The following LHFPL3 variants were observed in gnomAD, a reference collection of about 807,000 sequenced individuals.
LHFPL3 encodes LHFPL tetraspan subfamily member 3 protein.
A neutral mutation model predicts 19.3 loss-of-function variants in LHFPL3; 5 were observed. That is an observed-to-expected ratio of 0.26 (90% CI 0.14 to 0.54). LHFPL3 has a LOEUF of 0.54. Ranked by LOEUF, LHFPL3 falls within the 20% of genes least tolerant of loss-of-function variation. LHFPL3 has a pLI of 0.94. For synonymous variants in LHFPL3, 133 were observed against 126.2 expected, an observed-to-expected ratio of 1.05 and a Z score of -0.36; for missense variants, 249 against 307.4, an observed-to-expected ratio of 0.81 and a Z score of 1.42.
intron 1 of LHFPL3, among the ~76,000 whole-genome samples, chr7:104,430,414 A>ACGTG (rs1445455701): frequency 1.6e-4 from 4 of 25,426 alleles, no homozygotes; most frequent in African/African-American, 5.3e-4. Flanking sequence ...ACATATATAT[A>ACGTG]TATACATATA....
At chr7:104,898,820 T>TA (rs1280293928) in intron 2 of LHFPL3, among the ~76,000 whole-genome samples, 2 of 151,184 alleles carry the variant, frequency 1.3e-5, no homozygotes, top group East Asian at 1.9e-4. Context: ...ACACTGTGTC[T>TA]AAAAAAAAAT....
intron 1 of LHFPL3, among the ~76,000 whole-genome samples, chr7:104,355,495 C>T (rs1790255685): frequency 6.6e-6 from 1 of 152,180 alleles, no homozygotes; most frequent in Admixed American, 6.5e-5. Context: ...TTTCATTTAG[C>T]AATCACATTA....
At chr7:104,346,055 T>C (rs1790058743) in intron 1 of LHFPL3, among the ~76,000 whole-genome samples, 1 of 142,722 alleles carries the variant, frequency 7.0e-6, no homozygotes, top group Non-Finnish European at 1.5e-5. Flanking sequence ...TTTTTTTTTT[T>C]CTTAGAGTCT....
intron 1 of LHFPL3, among the ~76,000 whole-genome samples, chr7:104,494,641 A>T (rs1793422272): frequency 6.6e-6 from 1 of 152,166 alleles, no homozygotes; most frequent in Non-Finnish European, 1.5e-5. Context: ...TTATTCATCC[A>T]TTCAAGTCAA....
intron 1 of LHFPL3, among the ~76,000 whole-genome samples, chr7:104,571,753 G>A (rs1270543923): frequency 6.6e-6 from 1 of 152,116 alleles, no homozygotes; most frequent in Non-Finnish European, 1.5e-5. Flanking sequence ...GGTATTTGCA[G>A]ACAACCAAGT....
chr7:104,735,728 A>G (rs181876033), intron 1 of LHFPL3, among the ~76,000 whole-genome samples: 2 of 152,344 alleles, frequency 1.3e-5, no homozygotes, highest in Admixed American at 6.5e-5. Flanking sequence ...ACTGTCTGAC[A>G]AGCCCCAGTG....
intron 2 of LHFPL3, among the ~76,000 whole-genome samples, chr7:104,868,428 A>T (rs1299082241): frequency 3.9e-5 from 6 of 152,194 alleles, no homozygotes; most frequent in Non-Finnish European, 8.8e-5. Flanking sequence ...ATTCTTATAC[A>T]CCAATAACAG....
At chr7:104,379,330 C>G (rs1250646134) in intron 1 of LHFPL3, among the ~76,000 whole-genome samples, 3 of 152,194 alleles carry the variant, frequency 2.0e-5, no homozygotes, top group Non-Finnish European at 4.4e-5. Context: ...TCCCTCGGCA[C>G]AGATCAGCCT....
At chr7:104,592,685 A>G (rs1259671922) in intron 1 of LHFPL3, among the ~76,000 whole-genome samples, 2 of 152,162 alleles carry the variant, frequency 1.3e-5, no homozygotes, top group Admixed American at 1.3e-4. Context: ...TTGTTCAGCT[A>G]TGCCCTGCCC....
intron 1 of LHFPL3, among the ~76,000 whole-genome samples, chr7:104,693,747 G>A (rs1792947786): frequency 6.8e-6 from 1 of 148,140 alleles, no homozygotes; most frequent in Non-Finnish European, 1.5e-5. Context: ...CTCCTCCCAA[G>A]TAGCTGGGAC....
intron 1 of LHFPL3, among the ~76,000 whole-genome samples, chr7:104,592,417 C>G (rs1790744298): frequency 6.6e-6 from 1 of 151,516 alleles, no homozygotes; most frequent in African/African-American, 2.4e-5. Flanking sequence ...TGGGTATCAC[C>G]AGCGGAGGCT....
intron 1 of LHFPL3, among the ~76,000 whole-genome samples, chr7:104,584,037 A>C (rs550135424): frequency 5.0e-4 from 76 of 152,320 alleles, no homozygotes; most frequent in Middle Eastern, 3.4e-3. Context: ...TATTCACAAT[A>C]GCAAAGACTT....
chr7:104,856,239 AATTT>A (rs1791503250), intron 2 of LHFPL3, among the ~76,000 whole-genome samples: 2 of 124,064 alleles, frequency 1.6e-5, no homozygotes, highest in East Asian at 2.5e-4. Flanking sequence ...TGTCCCAGGA[AATTT>A]TTTTTTTTTT....
chr7:104,855,232 C>T (rs534817319), intron 2 of LHFPL3, among the ~76,000 whole-genome samples: 27 of 152,318 alleles, frequency 1.8e-4, no homozygotes, highest in South Asian at 1.2e-3. Context: ...ATGACCTCAC[C>T]TGGAGGTTAA....
intron 1 of LHFPL3, among the ~76,000 whole-genome samples, chr7:104,363,094 CA>C (rs1250200572): frequency 6.6e-6 from 1 of 152,194 alleles, no homozygotes; most frequent in Non-Finnish European, 1.5e-5. Flanking sequence ...GTTGGTTTGA[CA>C]AGGGCAGTCT....
At chr7:104,402,088 T>TAA (rs11406584) in intron 1 of LHFPL3, among the ~76,000 whole-genome samples, 268 of 132,352 alleles carry the variant, frequency 2.0e-3, no homozygotes, top group African/African-American at 6.1e-3. Flanking sequence ...CCGTATAAAC[T>TAA]AAAAAAAAAA....
At chr7:104,698,568 A>G (rs1016462736) in intron 1 of LHFPL3, among the ~76,000 whole-genome samples, 1 of 152,236 alleles carries the variant, frequency 6.6e-6, no homozygotes, top group Non-Finnish European at 1.5e-5. Flanking sequence ...AATCATGTGT[A>G]TGATAAAGGA....
chr7:104,509,607 C>G (rs929917812), intron 1 of LHFPL3, among the ~76,000 whole-genome samples: 5 of 151,876 alleles, frequency 3.3e-5, no homozygotes, highest in Non-Finnish European at 4.4e-5. Flanking sequence ...AAAACAGATG[C>G]AAAATCCTTA....
chr7:104,837,739 G>A (rs1791125111), intron 2 of LHFPL3, among the ~76,000 whole-genome samples: 1 of 152,114 alleles, frequency 6.6e-6, no homozygotes, highest in Non-Finnish European at 1.5e-5. Flanking sequence ...AGTATACACT[G>A]CACCCTATAG....
Sources: allele counts gnomAD v4.1 joint callset (sites outside exome capture counted in the v4.1 genomes callset), GRCh38; gene constraint gnomAD v4.1.1; transcripts MANE v1.5; gene names NCBI Gene and HGNC (gene_info 2026-07-23, HGNC 2026-07-21).